PHF14: variants seen among roughly 807,000 people sequenced by gnomAD.
The protein encoded by PHF14 is PHD finger protein 14.
A neutral mutation model predicts 117.9 loss-of-function variants in PHF14; 55 were observed. That is an observed-to-expected ratio of 0.47 (90% CI 0.38 to 0.58). The LOEUF is 0.58. Ranked by LOEUF, PHF14 falls within the 20% of genes least tolerant of loss-of-function variation. The pLI is 0.00. For missense variants in PHF14, 978 were observed against 1,122.2 expected, an observed-to-expected ratio of 0.87 and a Z score of 1.84; for synonymous variants, 409 against 368.6, an observed-to-expected ratio of 1.11 and a Z score of -1.26.
At chr7:11,104,727 C>T in intron 16 of PHF14, 1 of 682,324 alleles carries the variant, frequency 1.5e-6, no homozygotes, top group Non-Finnish European at 1.8e-6. Flanking sequence ...CTATTCCTCT[C>T]CTGGATCTGC....
At position 11,013,923 on chromosome 7, in the gene PHF14, T is replaced by C. The variant is rs572548614; in HGVS notation, c.1205+17T>C. 7 of 1,565,006 alleles carry C rather than the reference T, an allele frequency of 4.5e-6. No homozygotes were observed. The African/African-American group carries it at 9.4e-5, about 21-fold the overall frequency. ...TGCTGGAAGGTTAATGTCCTAATTA[T>C]GTTGGTTCATATGTTTGCTTTATAA... On this transcript the variant is annotated intron_variant, in intron 5 of 17. Coordinates refer to ENST00000634607, the MANE Select transcript of PHF14 (RefSeq NM_001007157.2).
intron 4 of PHF14, among the ~76,000 whole-genome samples, chr7:10,993,189 G>A (rs1782521413): frequency 6.6e-6 from 1 of 151,914 alleles, no homozygotes; most frequent in South Asian, 2.1e-4. Context: ...TTTATCTGTG[G>A]TAAAGTTATT....
At chr7:11,168,489 GATTTA>G (rs945479632) in intron 17 of PHF14, among the ~76,000 whole-genome samples, 6 of 152,140 alleles carry the variant, frequency 3.9e-5, no homozygotes, top group African/African-American at 1.4e-4. Flanking sequence ...TTAATTCAAT[GATTTA>G]ATTTGGTTTC....
chr7:11,071,925 A>G lies in PHF14; in HGVS notation c.2654+9840A>G, dbSNP rs374170436. Among the ~76,000 whole-genome samples, 8 of 152,334 alleles carry G rather than the reference A, an allele frequency of 5.3e-5. No individual in the cohort carries two copies. In the South Asian group the frequency reaches 1.2e-3, roughly 24 times the overall value. On this transcript the variant is annotated intron_variant, in intron 16 of 17. Transcript: ENST00000634607. Reference sequence around the variant, plus strand: ...TTAAAAAAGTAAGCCTGCTAAATTTATATTAAGAGCCTAGATTCTATTACA... The same window carrying G: ...TTAAAAAAGTAAGCCTGCTAAATTTGTATTAAGAGCCTAGATTCTATTACA...
intron 16 of PHF14, among the ~76,000 whole-genome samples, chr7:11,070,046 T>C (rs1426567416): frequency 2.0e-5 from 3 of 152,164 alleles, no homozygotes; most frequent in East Asian, 1.9e-4. Context: ...GAAATGTTTT[T>C]GATAATAAAT....
chr7:11,008,488 G>A (rs1032346158), intron 4 of PHF14, among the ~76,000 whole-genome samples: 4 of 152,064 alleles, frequency 2.6e-5, no homozygotes, highest in Admixed American at 6.5e-5. Flanking sequence ...TCCTGGAAGC[G>A]CGAACACTAT....
At chr7:11,037,947 C>T (rs1784365580) in intron 10 of PHF14, among the ~76,000 whole-genome samples, 1 of 151,844 alleles carries the variant, frequency 6.6e-6, no homozygotes, top group African/African-American at 2.4e-5. Flanking sequence ...GAGAGAGTCA[C>T]AAGGATTAGT....
At chr7:10,988,701 C>T (rs1484507579) in intron 3 of PHF14, among the ~76,000 whole-genome samples, 1 of 151,956 alleles carries the variant, frequency 6.6e-6, no homozygotes, top group African/African-American at 2.4e-5. Context: ...GTTCATGTTC[C>T]TCTTTTTGAA....
chr7:11,103,209 A>AT (rs1405631263), intron 16 of PHF14: 1 of 957,462 alleles, frequency 1.0e-6, no homozygotes, highest in African/African-American at 1.8e-5. Flanking sequence ...TTAGCATGAA[A>AT]TTTTTACTTC....
chr7:11,075,084 C>T (rs1785780692), intron 16 of PHF14, among the ~76,000 whole-genome samples: 2 of 151,888 alleles, frequency 1.3e-5, no homozygotes, highest in East Asian at 1.9e-4. Context: ...ACTACAGACA[C>T]ATGCCATCAC....
In PHF14 at chr7:11,030,241, C is replaced by T. The variant is rs566911242; in HGVS notation, c.1455+1423C>T. Among the ~76,000 whole-genome samples the T allele has an allele frequency of 3.3e-5, 5 of 151,600 alleles. No homozygotes were observed. The East Asian group carries it at 5.8e-4, about 18-fold the overall frequency. On this transcript the variant is annotated intron_variant, in intron 7 of 17. Transcript: ENST00000634607. ...CAACTCAGGATGGTGGGCAAAAGTA[C>T]GAGAGGGCAATACAGGTAAGAGTTA... is the stretch of plus-strand genomic sequence containing the variant.
chr7:11,006,602 T>C (rs1027787127), intron 4 of PHF14: 2 of 610,448 alleles, frequency 3.3e-6, no homozygotes, highest in South Asian at 1.4e-5. Flanking sequence ...TGTTGTCTTC[T>C]ATCTTCTTCA....
At chr7:10,995,854 C>G (rs559639705) in intron 4 of PHF14, among the ~76,000 whole-genome samples, 1 of 152,344 alleles carries the variant, frequency 6.6e-6, no homozygotes, top group African/African-American at 2.4e-5. Context: ...CCACCCGGAA[C>G]TCGCGCTGGC....
At chr7:11,147,091 G>A (rs1170297463) in intron 17 of PHF14, among the ~76,000 whole-genome samples, 2 of 152,042 alleles carry the variant, frequency 1.3e-5, no homozygotes, top group Non-Finnish European at 2.9e-5. Flanking sequence ...CAAGAGATCT[G>A]CCCACCTCGG....
rs528330524 is a variant in PHF14 at position 11,082,892 on chromosome 7, TTTC to T, written c.2654+20812_2654+20814del. Among the ~76,000 whole-genome samples the T allele has an allele frequency of 1.2e-3, 187 of 152,200 alleles. 1 individual carries two copies. Among genetic ancestry groups the T allele is most frequent in the African/African-American group, 4.5e-3 (185 of 41,532 alleles). ...ATCCACAGTACCCCTCCCCTTCCCT[TTTC>T]TTCTCTTTTTCTTTCTTTCTGCCTT... On this transcript the variant is annotated intron_variant, in intron 16 of 17. Coordinates refer to ENST00000634607, the MANE Select transcript of PHF14 (RefSeq NM_001007157.2).
chr7:11,035,828 G>T, intron 8 of PHF14, 42 bp downstream of exon 8: 2 of 1,501,582 alleles, frequency 1.3e-6, no homozygotes, highest in South Asian at 1.3e-5. Flanking sequence ...TTGTTTTAAG[G>T]TTATGTAAGG....
intron 16 of PHF14, among the ~76,000 whole-genome samples, chr7:11,099,944 A>G (rs1252713590): frequency 1.3e-5 from 2 of 152,068 alleles, no homozygotes; most frequent in African/African-American, 4.8e-5. Context: ...CCCTCTTGGC[A>G]GGAACTATTG....
intron 17 of PHF14, among the ~76,000 whole-genome samples, chr7:11,144,630 A>G (rs1788497014): frequency 6.7e-6 from 1 of 149,386 alleles, no homozygotes; most frequent in Non-Finnish European, 1.5e-5. Flanking sequence ...TATATTTACT[A>G]ATGTTCCTAA....
At chr7:11,005,290 T>A (rs1783040983) in intron 4 of PHF14, among the ~76,000 whole-genome samples, 1 of 152,212 alleles carries the variant, frequency 6.6e-6, no homozygotes, top group African/African-American at 2.4e-5. Context: ...TTCTAATTCC[T>A]CCTACATTTA....
Sources: allele counts gnomAD v4.1 joint callset (sites outside exome capture counted in the v4.1 genomes callset), GRCh38; gene constraint gnomAD v4.1.1; transcripts MANE v1.5; gene names NCBI Gene and HGNC (gene_info 2026-07-23, HGNC 2026-07-21).